MAP3K5: variants seen among roughly 807,000 people sequenced by gnomAD.
The protein encoded by MAP3K5 is mitogen-activated protein kinase kinase kinase 5, also known as ASK-1.
A neutral mutation model predicts 158.7 loss-of-function variants in MAP3K5; 56 were observed. The ratio of observed to expected loss-of-function variants is 0.35; its 90% CI spans 0.28 to 0.44. The LOEUF (loss-of-function observed/expected upper bound fraction) is 0.44. Ranked by LOEUF, MAP3K5 falls within the 20% of genes least tolerant of loss-of-function variation. The pLI is 1.00. For missense variants in MAP3K5, 1,294 were observed against 1,674.8 expected, an observed-to-expected ratio of 0.77 and a Z score of 3.97; for synonymous variants, 579 against 601.7, an observed-to-expected ratio of 0.96 and a Z score of 0.55.
intron 1 of MAP3K5, among the ~76,000 whole-genome samples, chr6:136,725,418 T>C (rs1359460619): frequency 6.6e-6 from 1 of 152,224 alleles, no homozygotes; most frequent in Non-Finnish European, 1.5e-5. Context: ...TAGTGGTACT[T>C]CGTTATGGTT....
At chr6:136,712,433 C>CA (rs1203001793) in intron 2 of MAP3K5, among the ~76,000 whole-genome samples, 1 of 152,100 alleles carries the variant, frequency 6.6e-6, no homozygotes, top group Non-Finnish European at 1.5e-5. Context: ...CTCAGCCTCC[C>CA]AAAGTGCTGG....
chr6:136,681,699 G>A (rs755388761), intron 7 of MAP3K5, among the ~76,000 whole-genome samples: 6 of 152,086 alleles, frequency 3.9e-5, no homozygotes, highest in Non-Finnish European at 8.8e-5. Context: ...GGCAGATCAC[G>A]AGGTCAGGAG....
At chr6:136,730,665 T>C (rs1273187045) in intron 1 of MAP3K5, among the ~76,000 whole-genome samples, 2 of 143,028 alleles carry the variant, frequency 1.4e-5, no homozygotes, top group East Asian at 2.0e-4. Flanking sequence ...GAGCTTGCAG[T>C]GAGCCAAGAT....
At chr6:136,629,160 G>A (rs1777188102) in intron 14 of MAP3K5, 1 of 152,160 alleles carries the variant, frequency 6.6e-6, no homozygotes, top group Non-Finnish European at 1.5e-5. Context: ...AGTGTAGGAA[G>A]GCAACATTGA....
chr6:136,630,191 T>C (rs1777275499), intron 14 of MAP3K5: 1 of 152,198 alleles, frequency 6.6e-6, no homozygotes, highest in Non-Finnish European at 1.5e-5. Context: ...ATAGATGGTA[T>C]TTTACTTATT....
At chr6:136,770,767 G>A (rs1157408186) in intron 1 of MAP3K5, among the ~76,000 whole-genome samples, 1 of 151,892 alleles carries the variant, frequency 6.6e-6, no homozygotes, top group Non-Finnish European at 1.5e-5. Context: ...TCAAAATAAT[G>A]AAATAAAACA....
chr6:136,646,495 T>C (rs1257844195), intron 11 of MAP3K5, among the ~76,000 whole-genome samples: 1 of 152,218 alleles, frequency 6.6e-6, no homozygotes, highest in East Asian at 1.9e-4. Flanking sequence ...CAAAAATCTC[T>C]GGCTTACTTT....
chr6:136,637,805 C>A (rs1257597468), intron 13 of MAP3K5, among the ~76,000 whole-genome samples: 1 of 152,096 alleles, frequency 6.6e-6, no homozygotes, highest in Non-Finnish European at 1.5e-5. Flanking sequence ...GCACTGTGAA[C>A]GTGGGCTGAT....
intron 20 of MAP3K5, 119 bp downstream of exon 20, chr6:136,601,683 T>C: frequency 1.1e-6 from 1 of 870,426 alleles, no homozygotes; most frequent in Non-Finnish European, 1.7e-6. Flanking sequence ...TGTGCTAATA[T>C]TTATACCAAT....
rs150176586 is a variant in MAP3K5 at position 136,742,294 on chromosome 6, C to T, written c.449-21705G>A. ...GTGAAAGACTACAGAAATAGATCAA[C>T]GGAACAGAATAGAAGCCCCAGAAAT... On this transcript the variant is annotated intron_variant, in intron 1 of 29. Coordinates refer to ENST00000359015, the MANE Select transcript of MAP3K5 (RefSeq NM_005923.4). Among the ~76,000 whole-genome samples the T allele has an allele frequency of 3.7e-4, 56 of 152,016 alleles. 1 individual carries two copies. The highest frequency in any genetic ancestry group is 1.4e-3 in the East Asian group (7 of 5,182).
At chr6:136,782,770 C>G (rs977650111) in intron 1 of MAP3K5, among the ~76,000 whole-genome samples, 2 of 152,178 alleles carry the variant, frequency 1.3e-5, no homozygotes, top group Non-Finnish European at 2.9e-5. Flanking sequence ...CCTGTCTCCC[C>G]TAAGAAAATT....
intron 26 of MAP3K5, among the ~76,000 whole-genome samples, chr6:136,563,892 T>C (rs1484864806): frequency 3.9e-5 from 6 of 152,222 alleles, no homozygotes; most frequent in Non-Finnish European, 7.3e-5. Context: ...TGAGTATTGA[T>C]AGATTTAACT....
chr6:136,629,766 C>CATTTATTTATTTATTTATTTATTTATTT (rs56675510), intron 14 of MAP3K5, among the ~76,000 whole-genome samples: 1 of 148,138 alleles, frequency 6.8e-6, no homozygotes, highest in Non-Finnish European at 1.5e-5. Flanking sequence ...ATCTCACCTT[C>CATTTATTTATTTATTTATTTATTTATTT]ATTTATTTAT....
chr6:136,745,373 T>C (rs1475339436), intron 1 of MAP3K5, among the ~76,000 whole-genome samples: 1 of 152,160 alleles, frequency 6.6e-6, no homozygotes, highest in Non-Finnish European at 1.5e-5. Flanking sequence ...ACGAATACAC[T>C]TTTTGAAAAT....
intron 28 of MAP3K5, among the ~76,000 whole-genome samples, chr6:136,559,525 GT>G (rs1229848857): frequency 1.3e-5 from 2 of 152,226 alleles, no homozygotes; most frequent in Non-Finnish European, 2.9e-5. Flanking sequence ...GTATTTAGAA[GT>G]TCAATGCTAC....
intron 1 of MAP3K5, among the ~76,000 whole-genome samples, chr6:136,744,351 A>G (rs948503074): frequency 2.6e-5 from 4 of 151,556 alleles, no homozygotes; most frequent in Admixed American, 6.6e-5. Context: ...ATATATGTAT[A>G]TATACACGTG....
intron 24 of MAP3K5, among the ~76,000 whole-genome samples, chr6:136,580,842 T>C (rs989463779): frequency 2.6e-5 from 4 of 152,148 alleles, no homozygotes; most frequent in African/African-American, 9.7e-5. Flanking sequence ...GGAGACACGG[T>C]CTTGCTCTGT....
chr6:136,735,731 A>G (rs1314342351), intron 1 of MAP3K5, among the ~76,000 whole-genome samples: 1 of 152,144 alleles, frequency 6.6e-6, no homozygotes, highest in Non-Finnish European at 1.5e-5. Context: ...TAAGGAGCTG[A>G]GGCAGGAGGA....
chr6:136,632,879 T>C (rs1333727700), intron 14 of MAP3K5, among the ~76,000 whole-genome samples: 2 of 152,142 alleles, frequency 1.3e-5, no homozygotes, highest in East Asian at 3.9e-4. Context: ...AATAATAACA[T>C]ATTAAAATAC....
Sources: allele counts gnomAD v4.1 joint callset (sites outside exome capture counted in the v4.1 genomes callset), GRCh38; gene constraint gnomAD v4.1.1; transcripts MANE v1.5; gene names NCBI Gene and HGNC (gene_info 2026-07-23, HGNC 2026-07-21).